RPS6KC1: variants seen among roughly 807,000 people sequenced by gnomAD.
RPS6KC1 encodes ribosomal protein S6 kinase C1.
In RPS6KC1, 54 loss-of-function variants were observed where a neutral mutation model predicts 103.8. The observed-to-expected ratio is 0.52, with a 90% CI of 0.42 to 0.65. RPS6KC1 has a LOEUF of 0.65. RPS6KC1 is among the 30% of genes least tolerant of loss of function. RPS6KC1 has a pLI of 0.00. For synonymous variants in RPS6KC1, 439 were observed against 438.7 expected (o/e 1.00, Z -0.01); for missense variants, 1,151 against 1,253.8 (o/e 0.92, Z 1.24).
At chr1:213,412,572 GT>G in the RPS6KC1 span, among the ~76,000 whole-genome samples, 1 of 152,246 alleles carries the variant, frequency 6.6e-6, no homozygotes, top group African/African-American at 2.4e-5. Flanking sequence ...GGGGGCAGAT[GT>G]GCCCTGCCTG....
intron 1 of RPS6KC1, among the ~76,000 whole-genome samples, chr1:213,068,656 C>T (rs1032777039): frequency 1.3e-5 from 2 of 151,714 alleles, no homozygotes; most frequent in Non-Finnish European, 2.9e-5. Context: ...CTGTTATAGT[C>T]TCTTATACTG....
chr1:213,413,334 T>C, the RPS6KC1 span, among the ~76,000 whole-genome samples: 1 of 152,224 alleles, frequency 6.6e-6, no homozygotes, highest in Non-Finnish European at 1.5e-5. Context: ...GTAGTTGCCT[T>C]AGTTGTCTAT....
chr1:213,489,432 T>C, the RPS6KC1 span, among the ~76,000 whole-genome samples: 1 of 152,126 alleles, frequency 6.6e-6, no homozygotes, highest in Non-Finnish European at 1.5e-5. Context: ...GGTTTGTGGA[T>C]GATGTCAGAG....
chr1:213,148,031 T>G (rs967554468), intron 6 of RPS6KC1, among the ~76,000 whole-genome samples: 4 of 152,252 alleles, frequency 2.6e-5, no homozygotes, highest in Non-Finnish European at 5.9e-5. Context: ...GCTACTGATT[T>G]TTGTACATTG....
intron 12 of RPS6KC1, among the ~76,000 whole-genome samples, chr1:213,249,815 A>G (rs2094514256): frequency 6.6e-6 from 1 of 152,228 alleles, no homozygotes; most frequent in South Asian, 2.1e-4. Flanking sequence ...TTATCTCACA[A>G]GAAAACCGTA....
At chr1:213,092,960 T>C (rs921860077) in intron 3 of RPS6KC1, among the ~76,000 whole-genome samples, 17 of 152,306 alleles carry the variant, frequency 1.1e-4, no homozygotes, top group African/African-American at 4.1e-4. Flanking sequence ...AACTTGTCAC[T>C]GGGTGAAAGA....
chr1:213,442,197 C>A, the RPS6KC1 span, among the ~76,000 whole-genome samples: 3 of 152,204 alleles, frequency 2.0e-5, no homozygotes, highest in Admixed American at 6.5e-5. Flanking sequence ...CTGATTCCTA[C>A]GAGTGCCTCT....
At chr1:213,330,658 G>A in the RPS6KC1 span, among the ~76,000 whole-genome samples, 7 of 152,218 alleles carry the variant, frequency 4.6e-5, no homozygotes, top group Admixed American at 2.0e-4. Flanking sequence ...ACCACCCTGC[G>A]CCCCTTCTCA....
At chr1:213,088,326 TTC>T (rs1256592038) in intron 3 of RPS6KC1, among the ~76,000 whole-genome samples, 1 of 152,128 alleles carries the variant, frequency 6.6e-6, no homozygotes, top group Non-Finnish European at 1.5e-5. Flanking sequence ...TTCTTCAGAG[TTC>T]TCTTTTTACC....
At chr1:213,696,498 G>A in the RPS6KC1 span, among the ~76,000 whole-genome samples, 13 of 95,186 alleles carry the variant, frequency 1.4e-4, 2 homozygotes, top group East Asian at 2.5e-3. Context: ...GTGAAACTCC[G>A]TCTCAAAAAA....
the RPS6KC1 span, among the ~76,000 whole-genome samples, chr1:213,352,258 A>G: frequency 6.6e-6 from 1 of 152,222 alleles, no homozygotes; most frequent in Non-Finnish European, 1.5e-5. Flanking sequence ...TAAAAGGTGC[A>G]AAATGAACTG....
At chr1:213,336,471 G>A in the RPS6KC1 span, among the ~76,000 whole-genome samples, 5 of 152,158 alleles carry the variant, frequency 3.3e-5, no homozygotes, top group Non-Finnish European at 5.9e-5. Context: ...TTAAGAGAAA[G>A]GCTTTTTCCT....
chr1:213,064,166 A>C (rs1284673790), intron 1 of RPS6KC1, among the ~76,000 whole-genome samples: 1 of 149,998 alleles, frequency 6.7e-6, no homozygotes, highest in Non-Finnish European at 1.5e-5. Context: ...GAACTGTTTT[A>C]GTGCCTCAGC....
At chr1:213,482,506 G>A in the RPS6KC1 span, among the ~76,000 whole-genome samples, 79 of 133,440 alleles carry the variant, frequency 5.9e-4, no homozygotes, top group African/African-American at 2.1e-3. Context: ...CTTATATTTA[G>A]CATTGGCTTC....
chr1:213,220,388 G>A (rs1016912238), intron 8 of RPS6KC1, among the ~76,000 whole-genome samples: 6 of 152,164 alleles, frequency 3.9e-5, no homozygotes, highest in African/African-American at 1.4e-4. Flanking sequence ...GTGCAGTGGT[G>A]TGATCTCACC....
At chr1:213,741,659 A>T in the RPS6KC1 span, among the ~76,000 whole-genome samples, 1 of 152,190 alleles carries the variant, frequency 6.6e-6, no homozygotes, top group Non-Finnish European at 1.5e-5. Context: ...CGAGCATAAT[A>T]GTATAAACAC....
At chr1:213,054,230 C>T (rs568377558) in intron 1 of RPS6KC1, among the ~76,000 whole-genome samples, 4 of 152,320 alleles carry the variant, frequency 2.6e-5, no homozygotes, top group Admixed American at 1.3e-4. Flanking sequence ...TGCCTTAGAA[C>T]TAACCACATT....
chr1:213,816,384 G>T, the RPS6KC1 span, among the ~76,000 whole-genome samples: 1 of 152,168 alleles, frequency 6.6e-6, no homozygotes, highest in African/African-American at 2.4e-5. Flanking sequence ...CTGCTCTTCA[G>T]GGGCATGGAT....
At chr1:213,540,643 G>A in the RPS6KC1 span, among the ~76,000 whole-genome samples, 9 of 152,204 alleles carry the variant, frequency 5.9e-5, no homozygotes, top group Non-Finnish European at 1.3e-4. Flanking sequence ...GAGCCACCAT[G>A]TCTGGTCACA....
Sources: allele counts gnomAD v4.1 joint callset (sites outside exome capture counted in the v4.1 genomes callset), GRCh38; gene constraint gnomAD v4.1.1; transcripts MANE v1.5; gene names NCBI Gene and HGNC (gene_info 2026-07-23, HGNC 2026-07-21).